Variants in EPM2A observed in about 807,000 individuals in gnomAD.
EPM2A encodes laforin.
EPM2A carries 21 observed loss-of-function variants against 26.5 expected under a neutral mutation model. The observed-to-expected ratio is 0.79, with a 90% confidence interval of 0.56 to 1.14. EPM2A has a LOEUF of 1.14. Among genes scored for constraint, EPM2A ranks in the 50% most tolerant of loss-of-function variants. EPM2A has a pLI of 0.00. For missense variants in EPM2A, 458 were observed against 440.8 expected (o/e 1.04, Z -0.35); for synonymous variants, 217 against 177.6 (o/e 1.22, Z -1.76).
intron 4 of EPM2A, among the ~76,000 whole-genome samples, chr6:145,417,079 C>G (rs376732478): frequency 6.6e-6 from 1 of 152,090 alleles, no homozygotes; most frequent in East Asian, 1.9e-4. Context: ...ATATTGAGAC[C>G]TTGTTGGCGT....
At chr6:145,584,901 T>C (rs1245462681) in intron 2 of EPM2A, among the ~76,000 whole-genome samples, 1 of 152,186 alleles carries the variant, frequency 6.6e-6, no homozygotes, top group Non-Finnish European at 1.5e-5. Flanking sequence ...CGGGCTGCAT[T>C]TAATTGGCCA....
chr6:145,639,799 T>C (rs1311475387), intron 2 of EPM2A: 1 of 152,162 alleles, frequency 6.6e-6, no homozygotes, highest in East Asian at 1.9e-4. Context: ...CTAAATCTAC[T>C]TCTGAGCCAC....
intron 2 of EPM2A, among the ~76,000 whole-genome samples, chr6:145,598,097 G>A (rs1781372226): frequency 6.6e-6 from 1 of 152,154 alleles, no homozygotes; most frequent in African/African-American, 2.4e-5. Flanking sequence ...CAAGTAATGG[G>A]ATTGCTGGGT....
chr6:145,626,120 ATT>A lies in EPM2A; in HGVS notation c.*1294_*1295del. 1 of 1,030,582 alleles carries A rather than the reference ATT, an allele frequency of 9.7e-7. No homozygotes were observed. The highest frequency in any genetic ancestry group is 4.7e-4 in the Middle Eastern group (1 of 2,132). The allele number at this position is 1,030,582 out of a possible 1,614,324, so 63.8% of individuals were successfully genotyped here. A position where few individuals can be genotyped will look rare whatever the true frequency, so the allele number is the denominator to read the frequency against. Reference sequence around the variant, plus strand: ...ATCACCTTGCACATAGAGGCTCTCAATTAAAAAAACACTTCTCTTTCTTCTAT... The same window carrying A: ...ATCACCTTGCACATAGAGGCTCTCAAAAAAAAACACTTCTCTTTCTTCTAT... On this transcript the variant is annotated 3_prime_UTR_variant, in exon 4 of 4. Transcript: ENST00000367519.
rs533639525 is a variant in EPM2A at position 145,515,919 on chromosome 6, G to A, written c.341-13344C>T. ...AAGAAACCTGCCTCCATTTACCATG[G>A]TGACTATGCACTGGGCAAAGGGGAA... On this transcript the variant is annotated intron_variant, in intron 2 of 3. Transcript: ENST00000450221. Among the ~76,000 whole-genome samples, 3 of 152,234 alleles carry A rather than the reference G, an allele frequency of 2.0e-5. No individual in the cohort carries two copies. In the South Asian group the frequency reaches 6.2e-4, roughly 32 times the overall value.
chr6:145,551,551 C>A (rs917094387), intron 2 of EPM2A, among the ~76,000 whole-genome samples: 3 of 152,064 alleles, frequency 2.0e-5, no homozygotes, highest in Non-Finnish European at 2.9e-5. Flanking sequence ...GGATCTGAGA[C>A]CTCAACTTGG....
At chr6:145,448,019 G>T (rs1423035443) in intron 4 of EPM2A, among the ~76,000 whole-genome samples, 1 of 151,918 alleles carries the variant, frequency 6.6e-6, no homozygotes, top group Admixed American at 6.6e-5. Context: ...TTATATTCTT[G>T]AATACTTACT....
At chr6:145,552,613 G>T (rs1037221216) in intron 2 of EPM2A, among the ~76,000 whole-genome samples, 34 of 152,048 alleles carry the variant, frequency 2.2e-4, no homozygotes, top group African/African-American at 8.2e-4. Context: ...CCAGATAGAA[G>T]ATTTGACATG....
intron 2 of EPM2A, chr6:145,684,951 T>A (rs1019829804): frequency 6.6e-6 from 1 of 152,166 alleles, no homozygotes; most frequent in African/African-American, 2.4e-5. Context: ...CTAAAACTAT[T>A]GTGAAATTGC....
In EPM2A at chr6:145,384,939, A is replaced by G. The variant is rs950062807; in HGVS notation, c.556-842T>C. Reference sequence around the variant, plus strand: ...ACTAGGCATCTATGAGGTCTCCATAAGAACATAAATCTTATCTGGAGAAAT... The same window carrying G: ...ACTAGGCATCTATGAGGTCTCCATAGGAACATAAATCTTATCTGGAGAAAT... On this transcript the variant is annotated intron_variant, in intron 4 of 4. Coordinates refer to the EPM2A transcript ENST00000638717. Among the ~76,000 whole-genome samples the G allele has an allele frequency of 1.4e-5, 2 of 148,000 alleles. 1 individual carries two copies. The highest frequency in any genetic ancestry group is 3.0e-5 in the Non-Finnish European group (2 of 66,948).
intron 1 of EPM2A, chr6:145,721,370 T>C (rs1283420772): frequency 6.6e-6 from 1 of 152,214 alleles, no homozygotes; most frequent in Admixed American, 6.5e-5. Flanking sequence ...GATGCCAGCA[T>C]CAGAGCAAAA....
At chr6:145,676,762 G>C (rs1325171293) in intron 2 of EPM2A, among the ~76,000 whole-genome samples, 1 of 152,062 alleles carries the variant, frequency 6.6e-6, no homozygotes, top group African/African-American at 2.4e-5. Context: ...ACCAATAACA[G>C]GTTCTGAAAT....
intron 4 of EPM2A, among the ~76,000 whole-genome samples, chr6:145,393,754 GCATTTTATGCTACGGTTGTAAC>G (rs1440742464): frequency 6.6e-6 from 1 of 151,952 alleles, no homozygotes; most frequent in African/African-American, 2.4e-5. Context: ...CCCCATAAGA[GCATTTTATGCTACGGTTGTAAC>G]CAAACCATAA....
At chr6:145,401,511 C>T (rs1778486073) in intron 4 of EPM2A, among the ~76,000 whole-genome samples, 1 of 152,104 alleles carries the variant, frequency 6.6e-6, no homozygotes, top group Non-Finnish European at 1.5e-5. Flanking sequence ...GTTAATTAAG[C>T]ATGATCCTAT....
intron 1 of EPM2A, among the ~76,000 whole-genome samples, chr6:145,711,116 T>C (rs2128631920): frequency 2.0e-5 from 3 of 152,080 alleles, no homozygotes; most frequent in Middle Eastern, 6.8e-3. Context: ...AAACTTAAAG[T>C]ATAATAAAAG....
At chr6:145,452,956 T>G (rs1012853960) in intron 4 of EPM2A, among the ~76,000 whole-genome samples, 33 of 152,312 alleles carry the variant, frequency 2.2e-4, no homozygotes, top group Non-Finnish European at 4.3e-4. Flanking sequence ...TTAATTGCAA[T>G]GACATAAGGC....
chr6:145,700,119 A>T (rs6932863), intron 1 of EPM2A, among the ~76,000 whole-genome samples: 96,604 of 151,944 alleles, frequency 0.64, 31,244 homozygotes, highest in East Asian at 0.74. Context: ...TGTGATCAAA[A>T]CTTTTGGCAG....
At chr6:145,434,945 G>C (rs1245159286) in intron 4 of EPM2A, among the ~76,000 whole-genome samples, 1 of 152,084 alleles carries the variant, frequency 6.6e-6, no homozygotes, top group East Asian at 1.9e-4. Context: ...AAGTTCTTAT[G>C]AGATCTGGTT....
At chr6:145,472,033 A>T (rs1779480485) in intron 4 of EPM2A, among the ~76,000 whole-genome samples, 1 of 150,552 alleles carries the variant, frequency 6.6e-6, no homozygotes, top group Non-Finnish European at 1.5e-5. Context: ...AGAGGGAAGG[A>T]GTGGGGAGGA....
Sources: allele counts gnomAD v4.1 joint callset (sites outside exome capture counted in the v4.1 genomes callset), GRCh38; gene constraint gnomAD v4.1.1; transcripts MANE v1.5; gene names NCBI Gene and HGNC (gene_info 2026-07-23, HGNC 2026-07-21).